The following SPAG9 variants were observed in gnomAD, a reference collection of about 807,000 sequenced individuals.
SPAG9 encodes sperm associated antigen 9, also known as C-Jun-amino-terminal kinase-interacting protein 4.
In SPAG9, 35 loss-of-function variants were observed where a neutral mutation model predicts 166.5. The observed-to-expected ratio is 0.21, with a 90% CI of 0.16 to 0.28. SPAG9 has a LOEUF of 0.28. SPAG9 is among the 10% of genes least tolerant of loss of function. SPAG9 has a pLI of 1.00. For missense variants in SPAG9, 1,235 were observed against 1,603.3 expected (o/e 0.77, Z 3.92); for synonymous variants, 534 against 565.5 (o/e 0.94, Z 0.79).
intron 1 of SPAG9, among the ~76,000 whole-genome samples, chr17:51,114,170 A>G (rs1282988708): frequency 6.6e-6 from 1 of 152,122 alleles, no homozygotes; most frequent in African/African-American, 2.4e-5. Context: ...TATTAAAACT[A>G]CAAAAATTAG....
chr17:51,088,669 G>A lies in SPAG9; in HGVS notation c.304-8965C>T, dbSNP rs1190911958. Among the ~76,000 whole-genome samples, 5 of 152,116 alleles carry A rather than the reference G, an allele frequency of 3.3e-5. No homozygotes were observed. In the South Asian group the frequency reaches 1.0e-3, roughly 32 times the overall value. On this transcript the variant is annotated intron_variant, in intron 1 of 29. Transcript: ENST00000262013. Reference sequence around the variant, plus strand: ...AAAAATTAGGCGGACTTGGTGGCGGGCGCCTGTAGTCCCAGCTACTCAGGA... The same window carrying A: ...AAAAATTAGGCGGACTTGGTGGCGGACGCCTGTAGTCCCAGCTACTCAGGA...
intron 2 of SPAG9, among the ~76,000 whole-genome samples, chr17:51,063,967 A>G (rs987000018): frequency 2.0e-5 from 3 of 152,218 alleles, no homozygotes; most frequent in African/African-American, 7.2e-5. Flanking sequence ...ATAAAAGCAG[A>G]CAAAAAATAA....
intron 27 of SPAG9, chr17:50,975,829 AG>A: frequency 3.3e-6 from 5 of 1,514,112 alleles, no homozygotes; most frequent in Non-Finnish European, 4.4e-6. Context: ...ATTAGAAGCC[AG>A]GAAGAAGAGT....
chr17:51,021,517 C>T (rs1032526107), intron 6 of SPAG9, 152 bp from the exon 7 acceptor site: 1 of 551,396 alleles, frequency 1.8e-6, no homozygotes, highest in Non-Finnish European at 3.1e-6. Flanking sequence ...GGTAAGTACT[C>T]TCTTTAGACC....
intron 16 of SPAG9, 189 bp downstream of exon 16, chr17:50,996,376 A>T: frequency 1.6e-6 from 1 of 615,340 alleles, no homozygotes; most frequent in East Asian, 2.9e-5. Flanking sequence ...GACTCAGAGC[A>T]TTTCATTTGA....
intron 1 of SPAG9, among the ~76,000 whole-genome samples, chr17:51,114,616 C>A (rs200366326): frequency 6.6e-6 from 1 of 151,670 alleles, no homozygotes; most frequent in Non-Finnish European, 1.5e-5. Flanking sequence ...GGCAACAGAG[C>A]GTGAAACTCA....
At chr17:51,090,470 G>A (rs75779685) in intron 1 of SPAG9, among the ~76,000 whole-genome samples, 10,414 of 152,070 alleles carry the variant, frequency 0.068, 393 homozygotes, top group Non-Finnish European at 0.089. Context: ...GCAGTGAGCC[G>A]AGTCCAGCCT....
chr17:51,031,871 T>C (rs117738803), intron 5 of SPAG9, 149 bp from the exon 6 acceptor site: 13,971 of 718,856 alleles, frequency 0.019, 183 homozygotes, highest in Non-Finnish European at 0.027. Flanking sequence ...AGCTTTGTTT[T>C]ATTTTGACTT....
At chr17:50,981,632 G>A (rs143980810) in intron 25 of SPAG9, among the ~76,000 whole-genome samples, 3,585 of 151,948 alleles carry the variant, frequency 0.024, 70 homozygotes, top group Non-Finnish European at 0.035. Flanking sequence ...TGATTTGGGG[G>A]AGGGTGAAGG....
At position 50,966,240 on chromosome 17, in the gene SPAG9, G is replaced by A. The variant is rs374188076; in HGVS notation, c.*32C>T. 1.0e-5 allele frequency: 13 copies of A among 1,270,974 alleles called. No homozygotes were observed. Among genetic ancestry groups the A allele is most frequent in the African/African-American group, 7.4e-5 (5 of 67,538 alleles). 78.7% of individuals were successfully genotyped at this position (1,270,974 alleles called of 1,614,324 possible). A position where few individuals can be genotyped will look rare whatever the true frequency, so the allele number is the denominator to read the frequency against. On this transcript the variant is annotated 3_prime_UTR_variant, in exon 30 of 30. Coordinates refer to ENST00000262013, the MANE Select transcript of SPAG9 (RefSeq NM_001130528.3). ...GGAAAATAAACCATGCAGAAGAGAC[G>A]GCTTCCCCATCTCCACCTGTTTCCC...
chr17:50,995,651 AAGTTC>A (rs1419415268), intron 16 of SPAG9, 118 bp from the exon 17 acceptor site: 1 of 694,540 alleles, frequency 1.4e-6, no homozygotes, highest in East Asian at 2.6e-5. Context: ...CCTTGAAATC[AAGTTC>A]AGGTTTTTTG....
Position 50,993,950 on chromosome 17 carries a change from G to A in SPAG9, c.2227-15C>T, listed in dbSNP as rs1424800814. On this transcript the variant is annotated splice_polypyrimidine_tract_variant and intron_variant, in intron 18 of 29. Coordinates refer to ENST00000262013, the MANE Select transcript of SPAG9 (RefSeq NM_001130528.3). ...TTCTGCTGTTCCTGTATAGGCAAAG[G>A]AGGAAAAATGTTTAAAACAATATGT... 3 of 1,609,522 alleles carry A rather than the reference G, an allele frequency of 1.9e-6. No individual in the cohort carries two copies. The highest frequency in any genetic ancestry group is 3.3e-5 in the Admixed American group (2 of 59,748).
At chr17:51,059,839 TCTCA>T (rs1398801831) in intron 2 of SPAG9, among the ~76,000 whole-genome samples, 1 of 151,884 alleles carries the variant, frequency 6.6e-6, no homozygotes, top group Non-Finnish European at 1.5e-5. Flanking sequence ...CCTTCATCAC[TCTCA>T]CTTTGACCCA....
intron 10 of SPAG9, among the ~76,000 whole-genome samples, 170 bp from the exon 11 acceptor site, chr17:51,006,407 G>C (rs554024750): frequency 6.9e-4 from 105 of 152,256 alleles, no homozygotes; most frequent in African/African-American, 2.5e-3. Context: ...CAAAGCAACA[G>C]TCTAAGATTT....
At chr17:50,990,957 G>C (rs2143827678) in intron 19 of SPAG9, among the ~76,000 whole-genome samples, 1 of 151,020 alleles carries the variant, frequency 6.6e-6, no homozygotes, top group East Asian at 1.9e-4. Flanking sequence ...GCCCAGGCTG[G>C]AGTACAGTGG....
chr17:50,982,406 T>C, intron 25 of SPAG9, 118 bp downstream of exon 25: 1 of 853,266 alleles, frequency 1.2e-6, no homozygotes, highest in Admixed American at 2.7e-5. Flanking sequence ...ATTACTCAAG[T>C]GCCCTAAAAC....
chr17:51,012,747 T>C (rs988063974), intron 9 of SPAG9, among the ~76,000 whole-genome samples: 1 of 150,834 alleles, frequency 6.6e-6, no homozygotes, highest in African/African-American at 2.4e-5. Flanking sequence ...TATTTATTTA[T>C]TTATTTATTT....
intron 16 of SPAG9, 122 bp downstream of exon 16, chr17:50,996,443 G>A: frequency 9.0e-7 from 1 of 1,113,242 alleles, no homozygotes; most frequent in Non-Finnish European, 1.3e-6. Flanking sequence ...TTAAATGTGT[G>A]CCCAGTCCAT....
intron 1 of SPAG9, among the ~76,000 whole-genome samples, chr17:51,088,193 T>C (rs1253541922): frequency 1.3e-5 from 2 of 152,198 alleles, no homozygotes; most frequent in African/African-American, 4.8e-5. Context: ...AAACTTGTCA[T>C]AGTTAAGAGA....
Sources: gnomAD v4.1 joint callset for allele counts (sites outside exome capture counted in the v4.1 genomes callset) on GRCh38, gnomAD v4.1.1 for gene constraint, MANE v1.5 for transcripts, NCBI Gene and HGNC (gene_info 2026-07-23, HGNC 2026-07-21) for gene names.